DAB2IP: variants seen among roughly 807,000 people sequenced by gnomAD.
The protein encoded by DAB2IP is DAB2 interacting protein.
DAB2IP carries 28 observed loss-of-function variants against 107.2 expected under a neutral mutation model. The ratio of observed to expected loss-of-function variants is 0.26; its 90% CI spans 0.19 to 0.36. The LOEUF (loss-of-function observed/expected upper bound fraction) is 0.36, where lower values mean the gene tolerates loss of function less well. Ranked by LOEUF, DAB2IP falls within the 10% of genes least tolerant of loss-of-function variation. The pLI, the probability that DAB2IP is intolerant of heterozygous loss-of-function variation, is 1.00. For missense variants in DAB2IP, 1,400 were observed against 1,644.7 expected (o/e 0.85, Z 2.57); for synonymous variants, 755 against 706.4 (o/e 1.07, Z -1.09).
upstream of DAB2IP, among the ~76,000 whole-genome samples, chr9:121,647,707 C>G (rs887180100): frequency 1.3e-5 from 2 of 151,966 alleles, no homozygotes; most frequent in Non-Finnish European, 2.9e-5. Context: ...TCAGAGTAGA[C>G]TTTTTTAAGG....
chr9:121,609,340 T>A (rs1311578057), intron 1 of DAB2IP, among the ~76,000 whole-genome samples: 1 of 152,152 alleles, frequency 6.6e-6, no homozygotes, highest in African/African-American at 2.4e-5. Flanking sequence ...GTGGCTGAAG[T>A]TCTAGCCCGA....
intron 3 of DAB2IP, among the ~76,000 whole-genome samples, chr9:121,717,223 T>G (rs1231977361): frequency 1.3e-5 from 2 of 152,178 alleles, no homozygotes; most frequent in Non-Finnish European, 2.9e-5. Context: ...TGGTGGGACT[T>G]CGGGTCAAGC....
intron 1 of DAB2IP, among the ~76,000 whole-genome samples, chr9:121,623,141 A>G (rs2118998894): frequency 6.6e-6 from 1 of 152,274 alleles, no homozygotes; most frequent in East Asian, 1.9e-4. Context: ...TTGGCTTGAC[A>G]TGCCTGAGGT....
intron 3 of DAB2IP, among the ~76,000 whole-genome samples, chr9:121,746,974 A>G (rs1246658238): frequency 6.6e-6 from 1 of 152,132 alleles, no homozygotes; most frequent in African/African-American, 2.4e-5. Context: ...GAGGGAACGC[A>G]TGGGTCAGGG....
At chr9:121,703,171 C>T (rs867977790) in intron 3 of DAB2IP, among the ~76,000 whole-genome samples, 5 of 152,328 alleles carry the variant, frequency 3.3e-5, no homozygotes, top group African/African-American at 1.2e-4. Context: ...CAGGGACCCT[C>T]ACCTGGACCT....
At chr9:121,692,725 G>A (rs923817177) in intron 2 of DAB2IP, among the ~76,000 whole-genome samples, 1 of 152,206 alleles carries the variant, frequency 6.6e-6, no homozygotes, top group Non-Finnish European at 1.5e-5. Context: ...CCAGCTTAAG[G>A]TGCCTCCCCT....
chr9:121,587,472 G>A (rs1830333255), intron 1 of DAB2IP, among the ~76,000 whole-genome samples: 1 of 152,126 alleles, frequency 6.6e-6, no homozygotes, highest in East Asian at 1.9e-4. Flanking sequence ...GCCAGGCGTA[G>A]TGGCACATGC....
rs1232416581 is a variant in DAB2IP at position 121,760,430 on chromosome 9, C to A, written c.1161C>A (p.Gly387=). 3 of 1,599,250 alleles carry A rather than the reference C, an allele frequency of 1.9e-6. No homozygotes were observed. Among genetic ancestry groups the A allele is most frequent in the Non-Finnish European group, 2.6e-6 (3 of 1,175,968 alleles). Residue 387 remains glycine (G), a synonymous_variant, in exon 6 of 16, where the codon GGC becomes GGA. Coordinates refer to ENST00000408936, the Ensembl canonical transcript of DAB2IP. The surrounding 1 kb of genome is among the most constrained non-coding windows in gnomAD (Gnocchi z 5.9). ...TGGTGCACATCCTGCAGAGCACGGG[C>A]AAGGTGAAGGTGCGTGCAGGCCCCT...
At chr9:121,597,986 G>A (rs1241154102) in intron 1 of DAB2IP, among the ~76,000 whole-genome samples, 1 of 152,210 alleles carries the variant, frequency 6.6e-6, no homozygotes, top group African/African-American at 2.4e-5. Flanking sequence ...GCTGGAGACC[G>A]GTGGGAAGGG....
intron 1 of DAB2IP, among the ~76,000 whole-genome samples, chr9:121,604,264 G>T (rs1830792330): frequency 6.6e-6 from 1 of 152,134 alleles, no homozygotes; most frequent in Non-Finnish European, 1.5e-5. Context: ...GGCTTCCTCA[G>T]CCTTTCCTGA....
In DAB2IP at chr9:121,635,254, C is replaced by T. The variant is rs1832047252; in HGVS notation, c.41-43424C>T. On this transcript the variant is annotated intron_variant, in intron 1 of 16. Transcript: ENST00000259371. The surrounding 1 kb of genome is among the most constrained non-coding windows in gnomAD (Gnocchi z 4.3). ...GCACTAATTCAATGCCTAAAAATAACCTCGGACCTGGTAGGGCACTTCAGA... is the reference window on the plus strand; with the variant it reads ...GCACTAATTCAATGCCTAAAAATAATCTCGGACCTGGTAGGGCACTTCAGA... Among the ~76,000 whole-genome samples, 1 of 152,206 alleles carries T rather than the reference C, an allele frequency of 6.6e-6. No homozygotes were observed. The highest frequency in any genetic ancestry group is 2.1e-4 in the South Asian group (1 of 4,832).
chr9:121,610,848 C>T (rs1293774810), intron 1 of DAB2IP, among the ~76,000 whole-genome samples: 2 of 152,132 alleles, frequency 1.3e-5, no homozygotes, highest in Non-Finnish European at 2.9e-5. Context: ...TCTCTTTCCA[C>T]CCCCTGTAGG....
chr9:121,666,570 G>A (rs1346262999), intron 1 of DAB2IP, among the ~76,000 whole-genome samples: 1 of 152,096 alleles, frequency 6.6e-6, no homozygotes, highest in African/African-American at 2.4e-5. Context: ...CACAGGGAGG[G>A]GAAGATCACA....
At chr9:121,755,317 G>C (rs1159847111) in intron 3 of DAB2IP, among the ~76,000 whole-genome samples, 1 of 152,232 alleles carries the variant, frequency 6.6e-6, no homozygotes, top group Non-Finnish European at 1.5e-5. Flanking sequence ...TGCCTCAGAG[G>C]AGCAGAGGCA....
chr9:121,664,099 T>C (rs773666863), intron 1 of DAB2IP, among the ~76,000 whole-genome samples: 2 of 152,240 alleles, frequency 1.3e-5, no homozygotes, highest in Admixed American at 6.5e-5. Flanking sequence ...TTTTATTACA[T>C]AGAGACAACT....
At chr9:121,728,042 T>G (rs1157897124) in intron 3 of DAB2IP, among the ~76,000 whole-genome samples, 1 of 152,190 alleles carries the variant, frequency 6.6e-6, no homozygotes, top group South Asian at 2.1e-4. Flanking sequence ...TTTTTTGGGC[T>G]CAGGGCATAC....
In DAB2IP at chr9:121,720,560, T is replaced by C. The variant is rs557506269; in HGVS notation, c.362+21102T>C. Among the ~76,000 whole-genome samples, 4 of 152,194 alleles carry C rather than the reference T, an allele frequency of 2.6e-5. No homozygotes were observed. In the East Asian group the frequency reaches 7.7e-4, roughly 29 times the overall value. The stretch of plus-strand genomic sequence containing the variant: ...GAGGGCTGTAGCCTCAGGTCACATC[T>C]GTCAGCCAGGGAGGGGCAGAACCAG... On this transcript the variant is annotated intron_variant, in intron 3 of 15. Transcript: ENST00000408936.
intron 2 of DAB2IP, among the ~76,000 whole-genome samples, chr9:121,695,880 G>GT (rs1036851095): frequency 2.6e-5 from 4 of 151,972 alleles, no homozygotes; most frequent in Admixed American, 6.5e-5. Context: ...TTTGTTTTTT[G>GT]TTTTTTTGAG....
intron 3 of DAB2IP, among the ~76,000 whole-genome samples, chr9:121,709,700 C>T (rs1352551433): frequency 6.6e-6 from 1 of 152,176 alleles, no homozygotes; most frequent in East Asian, 1.9e-4. Flanking sequence ...ACTGATAAAC[C>T]ACCTGGTCAC....
Sources: gnomAD v4.1 joint callset for allele counts (sites outside exome capture counted in the v4.1 genomes callset) on GRCh38, gnomAD v4.1.1 for gene constraint, Gnocchi (gnomAD v3.1) non-coding constraint, MANE v1.5 for transcripts, NCBI Gene and HGNC (gene_info 2026-07-23, HGNC 2026-07-21) for gene names.